Variants in FOXP2 observed in about 807,000 individuals in gnomAD.
The protein encoded by FOXP2 is forkhead box P2.
FOXP2 carries 12 observed loss-of-function variants against 115.8 expected under a neutral mutation model. The observed-to-expected ratio is 0.10, with a 90% CI of 0.07 to 0.17. FOXP2 has a LOEUF of 0.17. Among genes scored for constraint, FOXP2 ranks in the 10% least tolerant of loss-of-function variants. FOXP2 has a pLI of 1.00. For missense variants in FOXP2, 629 were observed against 843.5 expected, an observed-to-expected ratio of 0.75 and a Z score of 3.15; for synonymous variants, 328 against 297.7, an observed-to-expected ratio of 1.10 and a Z score of -1.05.
At chr7:114,289,427 T>C (rs1796541120) in intron 2 of FOXP2, among the ~76,000 whole-genome samples, 1 of 151,876 alleles carries the variant, frequency 6.6e-6, no homozygotes, top group African/African-American at 2.4e-5. Flanking sequence ...ACTCAGTCTT[T>C]TTTGTGGTGA....
At chr7:114,548,464 T>G (rs1175346683) in intron 3 of FOXP2, among the ~76,000 whole-genome samples, 2 of 152,162 alleles carry the variant, frequency 1.3e-5, no homozygotes, top group African/African-American at 4.8e-5. Context: ...ACCAAATATA[T>G]TAGTACTGAC....
intron 2 of FOXP2, among the ~76,000 whole-genome samples, chr7:114,400,878 G>A (rs866985025): frequency 6.6e-6 from 1 of 152,032 alleles, no homozygotes; most frequent in African/African-American, 2.4e-5. Flanking sequence ...CTTGCAGTAG[G>A]GGAGCAAGAT....
chr7:114,229,954 G>C (rs1396583206), intron 1 of FOXP2, among the ~76,000 whole-genome samples: 1 of 151,654 alleles, frequency 6.6e-6, no homozygotes, highest in East Asian at 1.9e-4. Context: ...AAAACTAATA[G>C]TTGATTTTTA....
At chr7:114,263,647 T>C (rs989206225) in intron 1 of FOXP2, among the ~76,000 whole-genome samples, 1 of 151,720 alleles carries the variant, frequency 6.6e-6, no homozygotes, top group South Asian at 2.1e-4. Context: ...AGTCCCACCT[T>C]GAAATGTATT....
intron 1 of FOXP2, among the ~76,000 whole-genome samples, chr7:114,179,645 A>G (rs1046365096): frequency 1.3e-5 from 2 of 152,052 alleles, no homozygotes; most frequent in Admixed American, 6.6e-5. Context: ...TTGGAAGACT[A>G]TGTTGAAAGG....
At chr7:114,682,747 T>C (rs2129350941) in intron 16 of FOXP2, among the ~76,000 whole-genome samples, 1 of 152,292 alleles carries the variant, frequency 6.6e-6, no homozygotes, top group Non-Finnish European at 1.5e-5. Flanking sequence ...GACTTCATTG[T>C]GTTCCATTTC....
intron 2 of FOXP2, among the ~76,000 whole-genome samples, chr7:114,361,193 T>C (rs1472781988): frequency 6.6e-6 from 1 of 152,146 alleles, no homozygotes; most frequent in African/African-American, 2.4e-5. Context: ...CATGATCAAA[T>C]TATATAATAA....
chr7:114,131,426 A>G (rs1054929618), intron 1 of FOXP2, among the ~76,000 whole-genome samples: 18 of 152,148 alleles, frequency 1.2e-4, no homozygotes, highest in African/African-American at 3.1e-4. Context: ...GCACATACAT[A>G]CTTCAAAAAC....
intron 3 of FOXP2, among the ~76,000 whole-genome samples, chr7:114,613,568 G>C (rs924034841): frequency 6.6e-6 from 1 of 151,512 alleles, no homozygotes; most frequent in Non-Finnish European, 1.5e-5. Flanking sequence ...CCAGCTACTC[G>C]GGAGGCTGAG....
rs552709058 is a variant in FOXP2 at position 114,562,595 on chromosome 7, TA to T, written c.258+27890del. 4.9e-4 allele frequency among the ~76,000 whole-genome samples: 75 copies of T among 152,300 alleles called. 2 individuals carry two copies. In the East Asian group the frequency reaches 0.014, roughly 29 times the overall value. On this transcript the variant is annotated intron_variant, in intron 3 of 16. Coordinates refer to ENST00000350908, the MANE Select transcript of FOXP2 (RefSeq NM_014491.4). ...AATTTCTCTTCCTGTGCATGATACC[TA>T]CCCCTTTCCACCTCTTCCAGAACCT...
intron 2 of FOXP2, among the ~76,000 whole-genome samples, chr7:114,365,714 A>C (rs1489112280): frequency 1.3e-5 from 2 of 152,138 alleles, no homozygotes; most frequent in African/African-American, 4.8e-5. Context: ...ACTGTGGCGC[A>C]GTACGATTGA....
chr7:114,524,912 A>C (rs1331424150), intron 2 of FOXP2, among the ~76,000 whole-genome samples: 1 of 152,160 alleles, frequency 6.6e-6, no homozygotes, highest in Non-Finnish European at 1.5e-5. Context: ...ATGGGAGAGT[A>C]GGGGTTGTAT....
At chr7:114,596,880 A>G (rs1300149162) in intron 3 of FOXP2, among the ~76,000 whole-genome samples, 1 of 152,106 alleles carries the variant, frequency 6.6e-6, no homozygotes, top group Non-Finnish European at 1.5e-5. Context: ...CTCATTAGTA[A>G]ACAAATTTGA....
chr7:114,309,815 C>G lies in FOXP2; in HGVS notation c.-11+21706C>G, dbSNP rs192315467. Among the ~76,000 whole-genome samples the G allele has an allele frequency of 2.9e-3, 435 of 151,572 alleles. 3 individuals are homozygous for G. The highest frequency in any genetic ancestry group is 3.4e-3 in the Middle Eastern group (1 of 292). ...TAAAGACTGAGACTACAGCCACATGCCACCACACTCAACTCTTTTTTTTTT... is the reference window on the plus strand; with the variant it reads ...TAAAGACTGAGACTACAGCCACATGGCACCACACTCAACTCTTTTTTTTTT... On this transcript the variant is annotated intron_variant, in intron 2 of 17. Transcript: ENST00000634411.
chr7:114,314,120 C>T (rs1329960635), intron 2 of FOXP2, among the ~76,000 whole-genome samples: 3 of 151,646 alleles, frequency 2.0e-5, no homozygotes, highest in East Asian at 1.9e-4. Flanking sequence ...CTTTTATGTA[C>T]GTGTATTTGA....
intron 1 of FOXP2, among the ~76,000 whole-genome samples, chr7:114,197,149 G>A (rs1055329446): frequency 6.7e-6 from 1 of 148,862 alleles, no homozygotes; most frequent in Non-Finnish European, 1.5e-5. Flanking sequence ...AGTGAACTGT[G>A]ATTGTGCCAC....
At chr7:114,225,239 G>C (rs555087225) in intron 1 of FOXP2, among the ~76,000 whole-genome samples, 15 of 152,110 alleles carry the variant, frequency 9.9e-5, no homozygotes, top group African/African-American at 3.1e-4. Flanking sequence ...GATTGGAAAG[G>C]TGAGTTCCTT....
At chr7:114,220,886 C>A (rs900231338) in intron 1 of FOXP2, among the ~76,000 whole-genome samples, 2 of 152,014 alleles carry the variant, frequency 1.3e-5, no homozygotes, top group Non-Finnish European at 2.9e-5. Context: ...AAAACTCTCT[C>A]GAAGTCTTTC....
rs900053961 is a variant in FOXP2 at position 114,642,312 on chromosome 7, CTGT to C, written c.776-89_776-87del. ...ATATTAATTTATGCAGGTAACATCA[CTGT>C]TGTTGTTGGTATTAATCTATTAATA... On this transcript the variant is annotated intron_variant, in intron 6 of 16. Coordinates refer to ENST00000350908, the MANE Select transcript of FOXP2 (RefSeq NM_014491.4). 20 of 907,624 alleles carry C rather than the reference CTGT, an allele frequency of 2.2e-5. No individual in the cohort carries two copies. The East Asian group carries it at 2.4e-4, about 11-fold the overall frequency. The allele number at this position is 907,624 out of a possible 1,614,324, so 56.2% of individuals were successfully genotyped here. A position where few individuals can be genotyped will look rare whatever the true frequency, so the allele number is the denominator to read the frequency against.
Sources: allele counts gnomAD v4.1 joint callset (sites outside exome capture counted in the v4.1 genomes callset), GRCh38; gene constraint gnomAD v4.1.1; transcripts MANE v1.5; gene names NCBI Gene and HGNC (gene_info 2026-07-23, HGNC 2026-07-21).